The following CRYBB1 variants were observed in gnomAD, a reference collection of about 807,000 sequenced individuals.
CRYBB1 encodes the protein crystallin beta B1.
Under a neutral mutation model 29.5 loss-of-function variants are expected in CRYBB1, and 16 were observed. That is an observed-to-expected ratio of 0.54 (90% confidence interval 0.37 to 0.82). The LOEUF (loss-of-function observed/expected upper bound fraction) is 0.82, where lower values mean the gene tolerates loss of function less well. Ranked by LOEUF, CRYBB1 falls within the 40% of genes least tolerant of loss-of-function variation. CRYBB1 has a pLI of 0.00. For synonymous variants in CRYBB1, 127 were observed against 136.7 expected (o/e 0.93, Z 0.49); for missense variants, 300 against 350.5 (o/e 0.86, Z 1.15).
chr22:26,606,855 C>T (rs938539756), intron 4 of CRYBB1, among the ~76,000 whole-genome samples: 1 of 152,168 alleles, frequency 6.6e-6, no homozygotes, highest in Admixed American at 6.5e-5. Context: ...CATGACTCAT[C>T]ATCAACTTAA....
intron 5 of CRYBB1, among the ~76,000 whole-genome samples, chr22:26,600,539 G>A (rs1207779056): frequency 2.0e-5 from 3 of 152,216 alleles, no homozygotes; most frequent in Non-Finnish European, 4.4e-5. Context: ...AATCTAGGTG[G>A]ATAAGGTATC....
At chr22:26,610,280 G>C (rs1162833598) in intron 3 of CRYBB1, among the ~76,000 whole-genome samples, 1 of 152,162 alleles carries the variant, frequency 6.6e-6, no homozygotes, top group Non-Finnish European at 1.5e-5. Context: ...TCAGGCTGCA[G>C]TCTCCTGGGT....
chr22:26,607,937 C>G lies in CRYBB1; in HGVS notation c.384G>C (p.Ser128=). ...KGEYPRWNTW[S]SSYRSDRLMS... ...TGAGCCGATCACTGCGGTAGCTGCT[C>G]GACCATGTGTTCCAGCGAGGGTACT... The change falls in exon 4 of 6, where the codon TCG becomes TCC. Residue 128 remains serine, a synonymous_variant. Coordinates refer to ENST00000647684, the MANE Select transcript of CRYBB1 (RefSeq NM_001887.4). The G allele has an allele frequency of 6.2e-7, 1 of 1,614,190 alleles. No homozygotes were observed. The highest frequency in any genetic ancestry group is 8.5e-7 in the Non-Finnish European group (1 of 1,180,032).
Position 26,601,942 on chromosome 22 carries a change from G to A in CRYBB1, c.512C>T (p.Ala171Val), listed in dbSNP as rs753533677. The change falls in exon 5 of 6, where the codon GCA becomes GTA. Residue 171 changes from alanine (A) to valine (V), a missense_variant. Transcript: ENST00000647684. ...GAAGCCGTAGACCCAGAGACTGGGT[G>A]CGTCGTCCCCCTGGATCTCTATGGT... ...GNTIEIQGDD[A>V]PSLWVYGFSD... is the part of the protein sequence containing the mutation. The A allele has an allele frequency of 4.0e-5, 65 of 1,613,190 alleles. No individual in the cohort carries two copies. The Admixed American group carries it at 1.1e-3, about 27-fold the overall frequency.
Position 26,612,216 on chromosome 22 carries a change from A to C in CRYBB1, c.181-26T>G, listed in dbSNP as rs897163668. On this transcript the variant is annotated intron_variant, in intron 2 of 5. Transcript: ENST00000647684. The stretch of plus-strand genomic sequence containing the variant: ...CTGCAGGAGAGAAGCCCCCATGCCA[A>C]GGGCAGAGTGAGGGGGGAGTCAAAA... 4.6e-6 allele frequency: 7 copies of C among 1,519,950 alleles called. No homozygotes were observed. The African/African-American group carries it at 9.6e-5, about 21-fold the overall frequency. The allele number at this position is 1,519,950 out of a possible 1,614,324, so 94.2% of individuals were successfully genotyped here.
intron 4 of CRYBB1, among the ~76,000 whole-genome samples, chr22:26,603,901 G>A (rs1928899089): frequency 6.6e-6 from 1 of 152,152 alleles, no homozygotes; most frequent in East Asian, 1.9e-4. Flanking sequence ...TCCAGCCTGG[G>A]TGACAGAGCA....
At chr22:26,609,013 C>T (rs994923740) in intron 3 of CRYBB1, among the ~76,000 whole-genome samples, 6 of 152,154 alleles carry the variant, frequency 3.9e-5, no homozygotes, top group South Asian at 2.1e-4. Context: ...TGTGGCAGTG[C>T]AGGTGGGGTA....
chr22:26,610,778 G>A (rs1182251124), intron 3 of CRYBB1, among the ~76,000 whole-genome samples: 1 of 152,178 alleles, frequency 6.6e-6, no homozygotes, highest in East Asian at 1.9e-4. Flanking sequence ...GTGAGGAGTG[G>A]TGAGGGCCAT....
chr22:26,608,111 A>G, intron 3 of CRYBB1, 90 bp from the exon 4 acceptor site: 2 of 1,604,270 alleles, frequency 1.2e-6, no homozygotes, highest in Non-Finnish European at 1.7e-6. Context: ...TCCCCTGGCA[A>G]GGCAGCCCTG....
intron 4 of CRYBB1, among the ~76,000 whole-genome samples, chr22:26,604,636 G>A (rs151081039): frequency 4.1e-4 from 63 of 152,346 alleles, no homozygotes; most frequent in Middle Eastern, 3.4e-3. Context: ...CACTGAGGCA[G>A]AGAAGGCATA....
In CRYBB1 at chr22:26,607,560, GA is replaced by G. The variant is rs397868247; in HGVS notation, c.432+328del. On this transcript the variant is annotated intron_variant, in intron 4 of 5. Coordinates refer to ENST00000647684, the MANE Select transcript of CRYBB1 (RefSeq NM_001887.4). The stretch of plus-strand genomic sequence containing the variant: ...GGACACAGCAAAACCCCATCTTTGG[GA>G]AAAAAAAAAAAAAAAAAAGCTCCCA... 0.34 allele frequency among the ~76,000 whole-genome samples: 39,225 copies of G among 116,200 alleles called. 5,685 individuals carry two copies. Among genetic ancestry groups the G allele is most frequent in the Non-Finnish European group, 0.36 (20,644 of 57,138 alleles). 76.2% of individuals were successfully genotyped at this position (116,200 alleles called of 152,430 possible).
At chr22:26,605,936 CAGG>C (rs1375469197) in intron 4 of CRYBB1, among the ~76,000 whole-genome samples, 4 of 152,266 alleles carry the variant, frequency 2.6e-5, no homozygotes, top group African/African-American at 9.6e-5. Context: ...CTGCGGCCTG[CAGG>C]CCACATGTGG....
intron 1 of CRYBB1, among the ~76,000 whole-genome samples, 172 bp downstream of exon 1, chr22:26,617,805 C>G (rs995914731): frequency 1.3e-5 from 2 of 151,746 alleles, no homozygotes; most frequent in African/African-American, 4.8e-5. Context: ...TCTTTTCTCA[C>G]TCTCTCCCCT....
At chr22:26,607,287 G>T (rs763684568) in intron 4 of CRYBB1, among the ~76,000 whole-genome samples, 4 of 152,116 alleles carry the variant, frequency 2.6e-5, no homozygotes, top group Non-Finnish European at 4.4e-5. Context: ...CTCCCAAAGT[G>T]CTGGGATTAC....
At chr22:26,605,928 G>T (rs563114208) in intron 4 of CRYBB1, among the ~76,000 whole-genome samples, 1 of 152,280 alleles carries the variant, frequency 6.6e-6, no homozygotes, top group East Asian at 1.9e-4. Flanking sequence ...TATTTAACCT[G>T]CGGCCTGCAG....
intron 3 of CRYBB1, among the ~76,000 whole-genome samples, chr22:26,609,387 T>C (rs1446254524): frequency 6.6e-6 from 1 of 152,124 alleles, no homozygotes; most frequent in Non-Finnish European, 1.5e-5. Flanking sequence ...GATGGATGGA[T>C]GGACAGATGA....
At chr22:26,606,611 C>G (rs560614882) in intron 4 of CRYBB1, among the ~76,000 whole-genome samples, 1 of 152,336 alleles carries the variant, frequency 6.6e-6, no homozygotes, top group Admixed American at 6.5e-5. Context: ...TGAATTCTTA[C>G]AGAGAGTGCA....
intron 3 of CRYBB1, among the ~76,000 whole-genome samples, chr22:26,610,202 T>C (rs1335252876): frequency 6.6e-6 from 1 of 152,202 alleles, no homozygotes; most frequent in Admixed American, 6.5e-5. Flanking sequence ...TTTTAATTTA[T>C]AAGATATGGA....
chr22:26,610,836 C>T (rs1929133254), intron 3 of CRYBB1, among the ~76,000 whole-genome samples: 1 of 152,164 alleles, frequency 6.6e-6, no homozygotes, highest in African/African-American at 2.4e-5. Context: ...GCACACTGAA[C>T]AAGGCAAACA....
Sources: allele counts gnomAD v4.1 joint callset (sites outside exome capture counted in the v4.1 genomes callset), GRCh38; gene constraint gnomAD v4.1.1; transcripts MANE v1.5; gene names NCBI Gene and HGNC (gene_info 2026-07-23, HGNC 2026-07-21).